EXOC6B: variants seen among roughly 807,000 people sequenced by gnomAD.
EXOC6B encodes SEC15 homolog B.
EXOC6B carries 54 observed loss-of-function variants against 113.5 expected under a neutral mutation model. That is an observed-to-expected ratio of 0.48 (90% CI 0.38 to 0.60). The LOEUF (loss-of-function observed/expected upper bound fraction) is 0.60. Among genes scored for constraint, EXOC6B ranks in the 20% least tolerant of loss-of-function variants. The pLI is 0.00. For synonymous variants in EXOC6B, 357 were observed against 339.0 expected, an observed-to-expected ratio of 1.05 and a Z score of -0.58; for missense variants, 797 against 977.5, an observed-to-expected ratio of 0.82 and a Z score of 2.46.
At chr2:72,690,848 C>A (rs1034038610) in intron 6 of EXOC6B, among the ~76,000 whole-genome samples, 1 of 152,106 alleles carries the variant, frequency 6.6e-6, no homozygotes, top group African/African-American at 2.4e-5. Context: ...AATATTTGTT[C>A]AAGTCCTCAT....
intron 18 of EXOC6B, chr2:72,462,343 T>C (rs183647308): frequency 1.1e-3 from 168 of 152,296 alleles, no homozygotes; most frequent in African/African-American, 3.8e-3. Flanking sequence ...AATGAATTTT[T>C]AGTATGTTCT....
intron 6 of EXOC6B, among the ~76,000 whole-genome samples, chr2:72,613,961 A>AT (rs1317288710): frequency 6.6e-6 from 1 of 151,902 alleles, no homozygotes; most frequent in Non-Finnish European, 1.5e-5. Context: ...ATAAAAATAA[A>AT]TTTTTTTTGC....
chr2:72,253,989 T>C (rs1424392534), intron 20 of EXOC6B, among the ~76,000 whole-genome samples: 2 of 151,968 alleles, frequency 1.3e-5, no homozygotes, highest in Non-Finnish European at 2.9e-5. Flanking sequence ...TGAGACCCCA[T>C]CTCTACTAAA....
chr2:72,515,715 A>G, intron 8 of EXOC6B: 2 of 987,528 alleles, frequency 2.0e-6, no homozygotes, highest in Non-Finnish European at 2.4e-6. Flanking sequence ...AGTGCTCTAC[A>G]TAATAATATC....
chr2:72,209,243 AAAAAG>A (rs1231419000), intron 20 of EXOC6B, among the ~76,000 whole-genome samples: 121 of 110,648 alleles, frequency 1.1e-3, no homozygotes, highest in African/African-American at 3.2e-3. Context: ...AAAAAAAAAA[AAAAAG>A]AAAAGAAAAG....
chr2:72,349,824 G>A (rs1371317011), intron 19 of EXOC6B, among the ~76,000 whole-genome samples: 1 of 152,174 alleles, frequency 6.6e-6, no homozygotes, highest in East Asian at 1.9e-4. Flanking sequence ...GCCTTAGTCT[G>A]TGGTTGGCTA....
At chr2:72,208,987 G>A (rs549812161) in intron 20 of EXOC6B, among the ~76,000 whole-genome samples, 2 of 152,188 alleles carry the variant, frequency 1.3e-5, no homozygotes, top group East Asian at 3.9e-4. Context: ...ACTTTGGGAA[G>A]CTGAGGAGGG....
chr2:72,472,562 A>C (rs1158174572), intron 17 of EXOC6B, among the ~76,000 whole-genome samples: 2 of 151,926 alleles, frequency 1.3e-5, no homozygotes. Flanking sequence ...CTCTGTTTTC[A>C]TTTATAATTT....
At chr2:72,230,015 A>G (rs571084336) in intron 20 of EXOC6B, among the ~76,000 whole-genome samples, 3 of 152,252 alleles carry the variant, frequency 2.0e-5, no homozygotes, top group Admixed American at 6.5e-5. Context: ...ACAAAGCAGG[A>G]AAAATGAGGT....
At chr2:72,477,271 T>C (rs964152203) in intron 17 of EXOC6B, among the ~76,000 whole-genome samples, 3 of 152,208 alleles carry the variant, frequency 2.0e-5, no homozygotes, top group African/African-American at 7.2e-5. Context: ...TATTTCTGCT[T>C]TCCAAATGCA....
chr2:72,790,649 G>A (rs573903855), intron 1 of EXOC6B, among the ~76,000 whole-genome samples: 6 of 152,160 alleles, frequency 3.9e-5, no homozygotes, highest in South Asian at 4.1e-4. Context: ...AAACTACTAC[G>A]TAGAAAACAA....
chr2:72,356,385 A>G (rs1178165971), intron 19 of EXOC6B, among the ~76,000 whole-genome samples: 4 of 152,144 alleles, frequency 2.6e-5, no homozygotes, highest in African/African-American at 9.7e-5. Flanking sequence ...AACATTATCC[A>G]GCCAGGCATG....
intron 1 of EXOC6B, among the ~76,000 whole-genome samples, chr2:72,823,476 A>AC (rs1328178034): frequency 1.7e-4 from 20 of 118,740 alleles, no homozygotes; most frequent in Admixed American, 9.4e-4. Flanking sequence ...AAAAAAAAAA[A>AC]AACAAAAAAC....
chr2:72,588,941 C>T lies in EXOC6B; in HGVS notation c.670-13273G>A, dbSNP rs192043277. 2.6e-3 allele frequency among the ~76,000 whole-genome samples: 392 copies of T among 151,960 alleles called. 2 individuals carry two copies. The highest frequency in any genetic ancestry group is 8.1e-3 in the African/African-American group (338 of 41,502). On this transcript the variant is annotated intron_variant, in intron 6 of 21. Coordinates refer to ENST00000272427, the MANE Select transcript of EXOC6B (RefSeq NM_015189.3). The stretch of plus-strand genomic sequence containing the variant: ...CCTTTTTCCTTTACATAGACATATA[C>T]GCACTCACACCAACATGGGTTAATT...
At chr2:72,474,702 T>C (rs535017078) in intron 17 of EXOC6B, among the ~76,000 whole-genome samples, 6 of 152,302 alleles carry the variant, frequency 3.9e-5, no homozygotes, top group African/African-American at 1.2e-4. Context: ...AATTCTCATG[T>C]TTCTCACTGA....
chr2:72,234,989 C>T (rs890202396), intron 20 of EXOC6B, among the ~76,000 whole-genome samples: 1 of 152,062 alleles, frequency 6.6e-6, no homozygotes, highest in Admixed American at 6.6e-5. Flanking sequence ...AAGCATGTGG[C>T]GATTTCTCAA....
chr2:72,504,233 G>A (rs760411648), intron 11 of EXOC6B, among the ~76,000 whole-genome samples: 2 of 151,982 alleles, frequency 1.3e-5, no homozygotes, highest in African/African-American at 2.4e-5. Context: ...ATTTTAAGAC[G>A]TCATTGTATA....
chr2:72,511,828 A>C (rs1385995776), intron 11 of EXOC6B, among the ~76,000 whole-genome samples: 2 of 152,072 alleles, frequency 1.3e-5, no homozygotes, highest in Non-Finnish European at 2.9e-5. Context: ...GTTTTTACAC[A>C]CAGTATTTAC....
intron 8 of EXOC6B, 55 bp from the exon 9 acceptor site, chr2:72,515,181 T>G: frequency 2.0e-6 from 3 of 1,480,360 alleles, no homozygotes; most frequent in Non-Finnish European, 2.8e-6. Context: ...TACTCTTTTA[T>G]TTCAAGGGAA....
Sources: allele counts gnomAD v4.1 joint callset (sites outside exome capture counted in the v4.1 genomes callset), GRCh38; gene constraint gnomAD v4.1.1; transcripts MANE v1.5; gene names NCBI Gene and HGNC (gene_info 2026-07-23, HGNC 2026-07-21).